RUNX2: variants seen among roughly 807,000 people sequenced by gnomAD.
The protein encoded by RUNX2 is runt-related transcription factor 2.
A neutral mutation model predicts 51.7 loss-of-function variants in RUNX2; 10 were observed. The ratio of observed to expected loss-of-function variants is 0.19; its 90% confidence interval spans 0.12 to 0.33. The LOEUF is 0.33. RUNX2 is among the 10% of genes least tolerant of loss of function. The pLI, the probability that RUNX2 is intolerant of heterozygous loss-of-function variation, is 1.00. For synonymous variants in RUNX2, 276 were observed against 273.6 expected (o/e 1.01, Z -0.09); for missense variants, 562 against 691.3 (o/e 0.81, Z 2.10).
In RUNX2 at chr6:45,549,115, T is replaced by A. The variant is rs1440080369; in HGVS notation, c.*1810T>A. 2 of 398,516 alleles carry A rather than the reference T, an allele frequency of 5.0e-6. No homozygotes were observed. The highest frequency in any genetic ancestry group is 8.8e-6 in the Non-Finnish European group (2 of 226,124). The allele number at this position is 398,516 out of a possible 1,614,324, so 24.7% of individuals were successfully genotyped here. ...CTTCTGTGGCATGCACTTTGACCAC[T>A]CCTGGCAGTCACATGGCAGATTTCC... is the stretch of plus-strand genomic sequence containing the variant. On this transcript the variant is annotated 3_prime_UTR_variant, in exon 9 of 9. Transcript: ENST00000647337.
At chr6:45,367,509 C>T (rs1795343979) in intron 2 of RUNX2, among the ~76,000 whole-genome samples, 1 of 151,868 alleles carries the variant, frequency 6.6e-6, no homozygotes, top group South Asian at 2.1e-4. Context: ...AAACAAAGGA[C>T]TTCCCTAAAT....
At chr6:45,544,639 C>T (rs956109456) in intron 7 of RUNX2, among the ~76,000 whole-genome samples, 1 of 152,222 alleles carries the variant, frequency 6.6e-6, no homozygotes, top group Non-Finnish European at 1.5e-5. Context: ...TCACATTATT[C>T]TGGTTCTTCT....
chr6:45,453,733 G>A (rs1323319603), intron 5 of RUNX2, among the ~76,000 whole-genome samples: 1 of 152,244 alleles, frequency 6.6e-6, no homozygotes, highest in East Asian at 1.9e-4. Context: ...GAGTGTGTCA[G>A]TGAAGGTCCT....
In RUNX2 at chr6:45,422,617, G is replaced by A; in HGVS notation, c.83G>A (p.Ser28Asn). 1 of 1,605,498 alleles carries A rather than the reference G, an allele frequency of 6.2e-7. No individual in the cohort carries two copies. The highest frequency in any genetic ancestry group is 1.3e-5 in the African/African-American group (1 of 74,454). ...FWDPSTSRRF[S>N]PPSSSLQPGK... ...GATCCGAGCACCAGCCGGCGCTTCA[G>A]CCCCCCCTCCAGCAGCCTGCAGCCC... The change falls in exon 3 of 9, where the codon AGC (serine) becomes AAC (asparagine). Residue 28 changes from serine to asparagine, a missense_variant. By Grantham distance (46) the Ser-to-Asn change is conservative. Around this residue, in one of 5 missense-constraint regions of RUNX2, gnomAD observed 153 missense variants for 144.8 expected, o/e 1.06. Coordinates refer to ENST00000647337, the MANE Select transcript of RUNX2 (RefSeq NM_001024630.4).
In RUNX2 at chr6:45,547,446, C is replaced by G; in HGVS notation, c.*141C>G. 1 of 732,558 alleles carries G rather than the reference C, an allele frequency of 1.4e-6. No homozygotes were observed. The highest frequency in any genetic ancestry group is 1.6e-5 in the South Asian group (1 of 62,814). 45.4% of individuals were successfully genotyped at this position (732,558 alleles called of 1,614,324 possible). A position where few individuals can be genotyped will look rare whatever the true frequency, so the allele number is the denominator to read the frequency against. ...TATTTTTTAGAAGATTTTTCATTCACTCACTCAGTCATGATCTTGCAGCCA... is the reference window on the plus strand; with the variant it reads ...TATTTTTTAGAAGATTTTTCATTCAGTCACTCAGTCATGATCTTGCAGCCA... On this transcript the variant is annotated 3_prime_UTR_variant, in exon 9 of 9. Transcript: ENST00000647337.
At chr6:45,344,514 T>C (rs1461880631) in intron 2 of RUNX2, among the ~76,000 whole-genome samples, 2 of 152,118 alleles carry the variant, frequency 1.3e-5, no homozygotes, top group Non-Finnish European at 2.9e-5. Flanking sequence ...TATGTACATT[T>C]TCCTTTGAAC....
intron 3 of RUNX2, among the ~76,000 whole-genome samples, chr6:45,429,072 T>C (rs1018673220): frequency 6.6e-6 from 1 of 152,344 alleles, no homozygotes; most frequent in African/African-American, 2.4e-5. Context: ...TCATTATAAT[T>C]ACACTCTATA....
chr6:45,491,344 G>T (rs1800459231), intron 5 of RUNX2, among the ~76,000 whole-genome samples: 1 of 152,172 alleles, frequency 6.6e-6, no homozygotes, highest in African/African-American at 2.4e-5. Context: ...TTGAGAATTT[G>T]AGTTTCCCTG....
intron 2 of RUNX2, among the ~76,000 whole-genome samples, chr6:45,382,767 T>C (rs887892825): frequency 6.6e-5 from 10 of 152,202 alleles, no homozygotes; most frequent in Admixed American, 2.0e-4. Context: ...ATTGGTTACC[T>C]TGGCTGCCAG....
chr6:45,342,878 G>T (rs1408413755), intron 2 of RUNX2, among the ~76,000 whole-genome samples: 1 of 152,128 alleles, frequency 6.6e-6, no homozygotes, highest in Non-Finnish European at 1.5e-5. Context: ...AATCGAAAAA[G>T]TATTCTCATG....
chr6:45,419,443 AG>A (rs1336094871), intron 2 of RUNX2, among the ~76,000 whole-genome samples: 1 of 151,958 alleles, frequency 6.6e-6, no homozygotes, highest in African/African-American at 2.4e-5. Context: ...AAAAAAAGGC[AG>A]GAAAAAAAAG....
intron 5 of RUNX2, among the ~76,000 whole-genome samples, chr6:45,462,334 G>A (rs975722783): frequency 1.1e-4 from 17 of 152,174 alleles, no homozygotes; most frequent in African/African-American, 4.1e-4. Flanking sequence ...TAAGCTGATG[G>A]GGTATGACAG....
intron 3 of RUNX2, among the ~76,000 whole-genome samples, chr6:45,425,771 A>G (rs1798365848): frequency 6.6e-6 from 1 of 152,224 alleles, no homozygotes. Flanking sequence ...AATAATATGA[A>G]GAAGTCTCCC....
At chr6:45,489,108 T>G (rs1800377091) in intron 5 of RUNX2, among the ~76,000 whole-genome samples, 1 of 152,218 alleles carries the variant, frequency 6.6e-6, no homozygotes, top group Non-Finnish European at 1.5e-5. Flanking sequence ...TTATGAAGAG[T>G]GCATTTTGTT....
chr6:45,470,475 G>C (rs1008184266), intron 5 of RUNX2, among the ~76,000 whole-genome samples: 1 of 152,148 alleles, frequency 6.6e-6, no homozygotes. Context: ...CGTAGAACTG[G>C]GAAGTTAAGC....
intron 2 of RUNX2, chr6:45,422,022 G>A (rs1277811139): frequency 6.7e-6 from 1 of 148,878 alleles, no homozygotes; most frequent in African/African-American, 2.4e-5. Context: ...CGCGCGGGGG[G>A]AGCGGCGGCC....
At position 45,512,388 on chromosome 6, in the gene RUNX2, T is replaced by A; in HGVS notation, c.1002T>A (p.Asp334Glu). Residue 334 changes from aspartate (D) to glutamate (E), a missense_variant, in exon 7 of 9, where the codon GAT becomes GAA. Around this residue, in one of 5 missense-constraint regions of RUNX2, gnomAD observed 304 missense variants for 353.2 expected, o/e 0.86. Coordinates refer to ENST00000647337, the MANE Select transcript of RUNX2 (RefSeq NM_001024630.4). ...GCACTGGGCTTCCTGCCATCACCGA[T>A]GTGCCTAGGCGCATTTCAGGTAAAG... is the stretch of plus-strand genomic sequence containing the variant. ...TRGTGLPAIT[D>E]VPRRISDDDT... 1.9e-6 allele frequency: 3 copies of A among 1,614,066 alleles called. No homozygotes were observed. Among genetic ancestry groups the A allele is most frequent in the Non-Finnish European group, 2.5e-6 (3 of 1,180,002 alleles).
At chr6:45,440,579 T>C (rs112552471) in intron 5 of RUNX2, among the ~76,000 whole-genome samples, 3,415 of 152,268 alleles carry the variant, frequency 0.022, 57 homozygotes, top group Non-Finnish European at 0.033. Flanking sequence ...AATACATACA[T>C]TCATGGTCAT....
At chr6:45,475,868 T>G in intron 5 of RUNX2, among the ~76,000 whole-genome samples, 1 of 152,236 alleles carries the variant, frequency 6.6e-6, no homozygotes, top group East Asian at 1.9e-4. Flanking sequence ...CTTGAAATAC[T>G]AGAAAATAAG....
Sources: gnomAD v4.1 joint callset for allele counts (sites outside exome capture counted in the v4.1 genomes callset) on GRCh38, gnomAD v4.1.1 for gene constraint, gnomAD v4.1.1 regional missense constraint, MANE v1.5 for transcripts, NCBI Gene and HGNC (gene_info 2026-07-23, HGNC 2026-07-21) for gene names.